Variants in TYRP1 observed in about 807,000 individuals in gnomAD.
TYRP1 encodes the protein 5,6-dihydroxyindole-2-carboxylic acid oxidase.
Under a neutral mutation model 42.8 loss-of-function variants are expected in TYRP1, and 49 were observed. That is an observed-to-expected ratio of 1.14 (90% confidence interval 0.91 to 1.45). The LOEUF is 1.45. Among genes scored for constraint, TYRP1 ranks in the 40% most tolerant of loss-of-function variants. The pLI, the probability that TYRP1 is intolerant of heterozygous loss-of-function variation, is 0.00. For synonymous variants in TYRP1, 279 were observed against 235.4 expected (o/e 1.19, Z -1.69); for missense variants, 848 against 662.0 (o/e 1.28, Z -3.08).
In TYRP1 at chr9:12,708,953, A is replaced by G. The variant is rs754559668; in HGVS notation, c.1409-24A>G. ...TAACTATTTTAATATTTGTCTTTTT[A>G]TTTTTATCTTCCTTTCCAAATAGGT... On this transcript the variant is annotated intron_variant, in intron 7 of 7. Coordinates refer to ENST00000388918, the MANE Select transcript of TYRP1 (RefSeq NM_000550.3). 3 of 1,554,216 alleles carry G rather than the reference A, an allele frequency of 1.9e-6. No individual in the cohort carries two copies. The East Asian group carries it at 6.7e-5, about 35-fold the overall frequency.
At chr9:12,702,237 T>A (rs966846538) in intron 4 of TYRP1, 34 bp from the exon 5 acceptor site, 7 of 1,605,628 alleles carry the variant, frequency 4.4e-6, no homozygotes, top group Non-Finnish European at 6.0e-6. Context: ...CCAAACATTG[T>A]GTAAATGTTT....
chr9:12,708,931 C>CTAT (rs1389173572), intron 7 of TYRP1, 46 bp from the exon 8 acceptor site: 9 of 1,522,982 alleles, frequency 5.9e-6, no homozygotes, highest in Non-Finnish European at 8.1e-6. Flanking sequence ...TTGGTGATAA[C>CTAT]TATTTTAATA....
chr9:12,705,561 A>G (rs1818244202), intron 6 of TYRP1, among the ~76,000 whole-genome samples: 1 of 152,072 alleles, frequency 6.6e-6, no homozygotes, highest in Non-Finnish European at 1.5e-5. Flanking sequence ...ATCAAAAATT[A>G]TTTAAGAAAC....
intron 6 of TYRP1, among the ~76,000 whole-genome samples, chr9:12,705,826 G>A (rs572783814): frequency 3.7e-4 from 56 of 149,612 alleles, no homozygotes; most frequent in African/African-American, 1.3e-3. Context: ...TAGCCTGGCT[G>A]ACAGAGACAG....
chr9:12,701,152 C>T (rs71507328), intron 4 of TYRP1, among the ~76,000 whole-genome samples: 2 of 151,986 alleles, frequency 1.3e-5, no homozygotes, highest in South Asian at 4.2e-4. Flanking sequence ...TCCCACCCAT[C>T]TAAGGTTTTG....
In TYRP1 at chr9:12,702,423, C is replaced by G; in HGVS notation, c.1066C>G (p.Arg356Gly). The change falls in exon 5 of 8, where the codon CGA becomes GGA. Residue 356 changes from arginine (R) to glycine (G), a missense_variant. By Grantham distance (125) the Arg-to-Gly change is moderately radical. Coordinates refer to ENST00000388918, the MANE Select transcript of TYRP1 (RefSeq NM_000550.3). ...PFYSNSTNSF[R>G]NTVEGYSDPT... The stretch of plus-strand genomic sequence containing the variant: ...TTATTCCAACTCTACAAACAGTTTC[C>G]GAAACACAGTGGAAGGCAAGTAAAT... 2.5e-6 allele frequency: 4 copies of G among 1,612,520 alleles called. No homozygotes were observed. The highest frequency in any genetic ancestry group is 3.4e-6 in the Non-Finnish European group (4 of 1,179,172).
At chr9:12,693,844 GA>G in intron 1 of TYRP1, 67 bp from the exon 2 acceptor site, 1 of 949,250 alleles carries the variant, frequency 1.1e-6, no homozygotes, top group Non-Finnish European at 1.6e-6. Context: ...AGTGGTTTGG[GA>G]AGGGGGCATA....
rs139789542 is a variant in TYRP1 at position 12,697,031 on chromosome 9, G to A, written c.708+1194G>A. Among the ~76,000 whole-genome samples the A allele has an allele frequency of 4.6e-3, 698 of 152,254 alleles. 8 individuals are homozygous for A. Among genetic ancestry groups the A allele is most frequent in the African/African-American group, 0.015 (637 of 41,550 alleles). Reference sequence around the variant, plus strand: ...TTTGAAAGTACACTATCCATTTGCAGTTTGAGAGTGATTAAATGAATTCAT... The same window carrying A: ...TTTGAAAGTACACTATCCATTTGCAATTTGAGAGTGATTAAATGAATTCAT... On this transcript the variant is annotated intron_variant, in intron 3 of 7. Transcript: ENST00000388918.
intron 5 of TYRP1, among the ~76,000 whole-genome samples, chr9:12,703,883 A>ATGTGTGTGTGTGTG (rs58360847): frequency 3.1e-3 from 449 of 143,514 alleles, no homozygotes; most frequent in Non-Finnish European, 4.9e-3. Flanking sequence ...ATATATATAT[A>ATGTGTGTGTGTGTG]TGTGTGTGTG....
Position 12,709,439 on chromosome 9 carries a change from C to CTT in TYRP1, c.*259_*260dup. On this transcript the variant is annotated 3_prime_UTR_variant, in exon 8 of 8. Transcript: ENST00000388918. The stretch of plus-strand genomic sequence containing the variant: ...TGATATTTAAGGATAGTGTGAAGAT[C>CTT]TTTGGCATGATTTAAAGGTTGAGTA... 1 of 481,042 alleles carries CTT rather than the reference C, an allele frequency of 2.1e-6. No individual in the cohort carries two copies. Among genetic ancestry groups the CTT allele is most frequent in the East Asian group, 3.9e-5 (1 of 25,746 alleles). The allele number at this position is 481,042 out of a possible 1,614,324, so 29.8% of individuals were successfully genotyped here.
Position 12,694,321 on chromosome 9 carries a change from A to T in TYRP1, c.325A>T (p.Asn109Tyr), listed in dbSNP as rs1171335809. 1 of 1,613,942 alleles carries T rather than the reference A, an allele frequency of 6.2e-7. No individual in the cohort carries two copies. The highest frequency in any genetic ancestry group is 8.5e-7 in the Non-Finnish European group (1 of 1,180,016). ...CTGCAACGGCAATTTCTCAGGACAC[A>T]ACTGTGGGACGTGCCGTCCTGGCTG... ...CHCNGNFSGHNCGTCRPGWRG... is the reference protein window; with the variant it reads ...CHCNGNFSGHYCGTCRPGWRG... The change falls in exon 2 of 8, where the codon AAC becomes TAC. Residue 109 changes from asparagine to tyrosine, a missense_variant. Coordinates refer to ENST00000388918, the MANE Select transcript of TYRP1 (RefSeq NM_000550.3).
rs1777630892 is a variant in TYRP1 at position 12,708,141 on chromosome 9, CA to C, written c.1408del (p.Ser470ValfsTer9). The part of the protein sequence containing the change: ...NLGYTYEIQW[P>X]SREFSVPEII... ...GGATACACTTATGAAATTCAATGGC[CA>C]AGTGAGTGTTGAAAGTGTATTTTTA... On this transcript the variant is annotated frameshift_variant and splice_region_variant, in exon 7 of 8. Coordinates refer to ENST00000388918, the MANE Select transcript of TYRP1 (RefSeq NM_000550.3). LOFTEE classifies it low-confidence loss of function (END_TRUNC). 1 of 1,612,316 alleles carries C rather than the reference CA, an allele frequency of 6.2e-7. No homozygotes were observed. Among genetic ancestry groups the C allele is most frequent in the Non-Finnish European group, 8.5e-7 (1 of 1,179,122 alleles).
Position 12,693,934 on chromosome 9 carries a change from C to T in TYRP1, c.-63C>T, listed in dbSNP as rs1818033402. The T allele has an allele frequency of 6.2e-7, 1 of 1,604,214 alleles. No homozygotes were observed. ...CAGCTGGATTTTCCTCTACGTGCTT[C>T]AGTCTTCTCTACACAAAGAGCTGCA... On this transcript the variant is annotated 5_prime_UTR_variant, in exon 2 of 8. Transcript: ENST00000388918.
chr9:12,700,385 G>A (rs1027384638), intron 4 of TYRP1: 1 of 151,962 alleles, frequency 6.6e-6, no homozygotes, highest in African/African-American at 2.4e-5. Context: ...CGCCAAACTT[G>A]GTGGATTGAA....
intron 7 of TYRP1, among the ~76,000 whole-genome samples, chr9:12,708,627 C>A (rs1262179486): frequency 2.0e-5 from 3 of 151,828 alleles, no homozygotes. Context: ...AATCTTTTCC[C>A]CAACAAAGGC....
In TYRP1 at chr9:12,694,282, A is replaced by C; in HGVS notation, c.286A>C (p.Asn96His). The C allele has an allele frequency of 6.2e-7, 1 of 1,613,920 alleles. No homozygotes were observed. Among genetic ancestry groups the C allele is most frequent in the Non-Finnish European group, 8.5e-7 (1 of 1,179,966 alleles). ...DREVWPLRFF[N>H]RTCHCNGNFS... ...GGAGGTCTGGCCCTTGCGCTTCTTC[A>C]ATAGGACATGTCACTGCAACGGCAA... Residue 96 changes from asparagine to histidine, a missense_variant, in exon 2 of 8, where the codon AAT becomes CAT. Physicochemically the swap from Asn to His is moderately conservative, Grantham distance 68 (BLOSUM62 1). Coordinates refer to ENST00000388918, the MANE Select transcript of TYRP1 (RefSeq NM_000550.3).
At chr9:12,698,413 C>G (rs1563853249) in intron 3 of TYRP1, 38 bp from the exon 4 acceptor site, 5 of 1,571,190 alleles carry the variant, frequency 3.2e-6, no homozygotes, top group Non-Finnish European at 4.4e-6. Flanking sequence ...TAATTGTAAA[C>G]AGAAGCAGAG....
intron 4 of TYRP1, 99 bp from the exon 5 acceptor site, chr9:12,702,172 C>A: frequency 3.1e-6 from 4 of 1,299,636 alleles, no homozygotes; most frequent in Non-Finnish European, 3.2e-6. Flanking sequence ...CCAAGGAAAA[C>A]CTATATTTCA....
At chr9:12,703,633 G>C (rs1391555689) in intron 5 of TYRP1, among the ~76,000 whole-genome samples, 1 of 151,766 alleles carries the variant, frequency 6.6e-6, no homozygotes, top group Non-Finnish European at 1.5e-5. Context: ...CAATGGAATA[G>C]ATGCTTGAAA....
Sources: gnomAD v4.1 joint callset for allele counts (sites outside exome capture counted in the v4.1 genomes callset) on GRCh38, gnomAD v4.1.1 for gene constraint, MANE v1.5 for transcripts, NCBI Gene and HGNC (gene_info 2026-07-23, HGNC 2026-07-21) for gene names.